PALLD: variants seen among roughly 807,000 people sequenced by gnomAD.
The protein encoded by PALLD is palladin, cytoskeletal associated protein.
PALLD carries 61 observed loss-of-function variants against 123.5 expected under a neutral mutation model. That is an observed-to-expected ratio of 0.49 (90% CI 0.40 to 0.61). The LOEUF is 0.61. Among genes scored for constraint, PALLD ranks in the 20% least tolerant of loss-of-function variants. The probability of loss-of-function intolerance (pLI) is 0.00; values close to 1 mark genes in which losing one functional copy is unlikely to be tolerated. For missense variants in PALLD, 1,273 were observed against 1,377.0 expected (o/e 0.92, Z 1.20); for synonymous variants, 465 against 496.4 (o/e 0.94, Z 0.84).
At chr4:168,815,925 T>G (rs1741846049) in intron 10 of PALLD, among the ~76,000 whole-genome samples, 1 of 152,246 alleles carries the variant, frequency 6.6e-6, no homozygotes, top group African/African-American at 2.4e-5. Context: ...CGCTCACTCT[T>G]AATTTTTCAG....
At chr4:168,639,791 G>A (rs373424818) in intron 2 of PALLD, among the ~76,000 whole-genome samples, 31 of 152,160 alleles carry the variant, frequency 2.0e-4, no homozygotes, top group East Asian at 3.9e-4. Flanking sequence ...TGATCCGCCC[G>A]CCTCGGCCAC....
In PALLD at chr4:168,566,199, T is replaced by A. The variant is rs535328820; in HGVS notation, c.908+53787T>A. On this transcript the variant is annotated intron_variant, in intron 2 of 21. Transcript: ENST00000505667. ...ATTTTTAGAAACACCAAACTCAGCT[T>A]ACCTTCTTTTCTAGATTTAGACCTT... Among the ~76,000 whole-genome samples, 6 of 152,348 alleles carry A rather than the reference T, an allele frequency of 3.9e-5. 1 individual carries two copies. The South Asian group carries it at 1.2e-3, about 32-fold the overall frequency.
intron 2 of PALLD, among the ~76,000 whole-genome samples, chr4:168,593,295 T>C (rs866415212): frequency 1.3e-5 from 2 of 152,106 alleles, no homozygotes; most frequent in Non-Finnish European, 2.9e-5. Flanking sequence ...TCGAATATCA[T>C]GGGCTCCAGC....
At chr4:168,847,564 T>G (rs184523131) in intron 10 of PALLD, among the ~76,000 whole-genome samples, 1 of 152,338 alleles carries the variant, frequency 6.6e-6, no homozygotes, top group East Asian at 1.9e-4. Flanking sequence ...CACCAAGATT[T>G]TATTGGTGTT....
At chr4:168,541,794 A>G (rs1412269516) in intron 2 of PALLD, among the ~76,000 whole-genome samples, 1 of 152,192 alleles carries the variant, frequency 6.6e-6, no homozygotes, top group Non-Finnish European at 1.5e-5. Flanking sequence ...TTAAAGAAAT[A>G]TAAGCCATTT....
intron 15 of PALLD, among the ~76,000 whole-genome samples, chr4:168,907,832 C>T (rs1349259362): frequency 6.6e-6 from 1 of 151,400 alleles, no homozygotes; most frequent in African/African-American, 2.4e-5. Context: ...CTGGGTCTAT[C>T]AAAAGGAGAA....
chr4:168,714,070 T>G (rs1785107079), intron 10 of PALLD, among the ~76,000 whole-genome samples: 1 of 151,372 alleles, frequency 6.6e-6, no homozygotes, highest in African/African-American at 2.4e-5. Flanking sequence ...AAATAATATG[T>G]GATGATACTT....
Position 168,564,674 on chromosome 4 carries a change from C to T in PALLD, c.908+52262C>T, listed in dbSNP as rs558298071. 2.0e-5 allele frequency among the ~76,000 whole-genome samples: 3 copies of T among 152,124 alleles called. No homozygotes were observed. The South Asian group carries it at 6.2e-4, about 32-fold the overall frequency. ...TAAACCTATGGTAATAAAATAACAG[C>T]CTATATAAATTACATGTACTATTAT... On this transcript the variant is annotated intron_variant, in intron 2 of 21. Coordinates refer to ENST00000505667, the MANE Select transcript of PALLD (RefSeq NM_001166108.2).
intron 9 of PALLD, 78 bp from the exon 10 acceptor site, chr4:168,711,503 G>A (rs973713302): frequency 2.9e-6 from 3 of 1,019,510 alleles, no homozygotes; most frequent in African/African-American, 3.1e-5. Flanking sequence ...GGGATTCTCA[G>A]AAGACTCTGA....
intron 8 of PALLD, among the ~76,000 whole-genome samples, chr4:168,705,832 G>A (rs1784171830): frequency 6.6e-6 from 1 of 151,942 alleles, no homozygotes; most frequent in African/African-American, 2.4e-5. Flanking sequence ...TAGGAGAGAT[G>A]GGGTTTCACC....
intron 2 of PALLD, among the ~76,000 whole-genome samples, chr4:168,594,037 TAGC>T (rs1026023487): frequency 2.0e-5 from 3 of 152,188 alleles, no homozygotes; most frequent in Non-Finnish European, 2.9e-5. Context: ...GTTTTCGGTG[TAGC>T]ATTATTAACT....
chr4:168,865,313 C>T (rs751943763), intron 10 of PALLD, among the ~76,000 whole-genome samples: 39 of 152,356 alleles, frequency 2.6e-4, no homozygotes, highest in African/African-American at 4.1e-4. Flanking sequence ...CTTGCCAAAA[C>T]GCATTTTTGA....
chr4:168,867,709 T>C (rs1463076637), intron 10 of PALLD, among the ~76,000 whole-genome samples: 1 of 152,112 alleles, frequency 6.6e-6, no homozygotes, highest in African/African-American at 2.4e-5. Context: ...ATAGTGCTAT[T>C]AGATTAATTT....
chr4:168,847,654 T>G (rs1050578415), intron 10 of PALLD, among the ~76,000 whole-genome samples: 2 of 152,212 alleles, frequency 1.3e-5, no homozygotes, highest in African/African-American at 4.8e-5. Context: ...TCGTACTACT[T>G]TCACTTTATT....
intron 10 of PALLD, among the ~76,000 whole-genome samples, chr4:168,840,011 C>T (rs554721011): frequency 6.6e-6 from 1 of 152,064 alleles, no homozygotes; most frequent in African/African-American, 2.4e-5. Context: ...TGATTCAAAA[C>T]TGGAGTTAGA....
chr4:168,863,342 A>G (rs1462618060), intron 10 of PALLD, among the ~76,000 whole-genome samples: 1 of 152,174 alleles, frequency 6.6e-6, no homozygotes, highest in African/African-American at 2.4e-5. Context: ...GCAGCATTGA[A>G]CAGCTCCGCG....
At chr4:168,924,552 C>A in intron 19 of PALLD, 132 bp downstream of exon 19, 1 of 957,090 alleles carries the variant, frequency 1.0e-6, no homozygotes, top group East Asian at 2.6e-5. Context: ...TGAAATCAAT[C>A]AAAGACAAAA....
chr4:168,646,475 C>A (rs1231038625), intron 2 of PALLD, among the ~76,000 whole-genome samples: 1 of 152,172 alleles, frequency 6.6e-6, no homozygotes, highest in Non-Finnish European at 1.5e-5. Context: ...AACAGTCCAT[C>A]AGTCTCTACT....
At chr4:168,514,088 G>C (rs1378820279) in intron 2 of PALLD, among the ~76,000 whole-genome samples, 1 of 151,824 alleles carries the variant, frequency 6.6e-6, no homozygotes, top group Admixed American at 6.6e-5. Flanking sequence ...TCCAGCCTGG[G>C]TGACAGAGCG....
Sources: gnomAD v4.1 joint callset for allele counts (sites outside exome capture counted in the v4.1 genomes callset) on GRCh38, gnomAD v4.1.1 for gene constraint, MANE v1.5 for transcripts, NCBI Gene and HGNC (gene_info 2026-07-23, HGNC 2026-07-21) for gene names.